SRP19: variants seen among roughly 807,000 people sequenced by gnomAD.
The protein encoded by SRP19 is signal recognition particle 19.
SRP19 carries 11 observed loss-of-function variants against 22.4 expected under a neutral mutation model. The ratio of observed to expected loss-of-function variants is 0.49; its 90% confidence interval spans 0.31 to 0.81. The LOEUF is 0.81. Among genes scored for constraint, SRP19 ranks in the 40% least tolerant of loss-of-function variants. SRP19 has a pLI of 0.05. For synonymous variants in SRP19, 61 were observed against 57.6 expected (o/e 1.06, Z -0.27); for missense variants, 168 against 175.9 (o/e 0.96, Z 0.25).
chr5:112,880,430 G>C (rs1486373007), intron 4 of SRP19, among the ~76,000 whole-genome samples: 6 of 151,980 alleles, frequency 3.9e-5, no homozygotes, highest in African/African-American at 1.5e-4. Context: ...AGCTGTTCTT[G>C]ATGGAGCCAG....
At chr5:112,897,351 TCACACACACACACACACACA>T (rs34612314), downstream of SRP19, 1 of 97,820 alleles carries the variant, frequency 1.0e-5, no homozygotes, top group East Asian at 2.4e-4. Context: ...ACACATCCCA[TCACACACACACACACACACA>T]CACACACACA....
At chr5:112,880,168 T>G (rs1362090255) in intron 4 of SRP19, among the ~76,000 whole-genome samples, 1 of 152,134 alleles carries the variant, frequency 6.6e-6, no homozygotes, top group Non-Finnish European at 1.5e-5. Context: ...CCCAGAGCTT[T>G]GAGAGGCTGA....
rs149233340 is a variant in SRP19, at chr5:112,882,097, A to G, written c.302-9506A>G. ...ACTACTCCTATTTTAATTATTGATG[A>G]TTTTAATATCCATGTAGACATATGT... On this transcript the variant is annotated intron_variant, in intron 4 of 4. Transcript: ENST00000391338. The G allele has an allele frequency of 4.5e-3, 694 of 153,980 alleles. 3 individuals carry two copies. The highest frequency in any genetic ancestry group is 0.015 in the Middle Eastern group (26 of 1,702). 9.5% of individuals were successfully genotyped at this position (153,980 alleles called of 1,614,324 possible).
In SRP19 at chr5:112,864,740, T is replaced by C; in HGVS notation, c.301+8T>C. ...TTGTACAGTTCCCATCACGTAAGCT[T>C]GTTTAAATGAATCAGTGGGGCTCAG... On this transcript the variant is annotated splice_region_variant and intron_variant, in intron 4 of 4. Transcript: ENST00000505459. 6.3e-7 allele frequency: 1 copy of C among 1,599,166 alleles called. No homozygotes were observed. The highest frequency in any genetic ancestry group is 8.5e-7 in the Non-Finnish European group (1 of 1,169,844).
exon 5 of SRP19, chr5:112,892,881 A>T (rs747377561): frequency 1.1e-5 from 17 of 1,612,536 alleles, no homozygotes; most frequent in Non-Finnish European, 1.1e-5. Context: ...AATCTCACAA[A>T]CGCACATCAA....
At position 112,867,781 on chromosome 5, in the gene SRP19, A is replaced by G. The variant is rs1554091569; in HGVS notation, c.*244A>G. 1 of 1,219,928 alleles carries G rather than the reference A, an allele frequency of 8.2e-7. No homozygotes were observed. The highest frequency in any genetic ancestry group is 1.0e-6 in the Non-Finnish European group (1 of 977,644). 75.6% of individuals were successfully genotyped at this position (1,219,928 alleles called of 1,614,324 possible). On this transcript the variant is annotated 3_prime_UTR_variant, in exon 5 of 5. Coordinates refer to ENST00000505459, the MANE Select transcript of SRP19 (RefSeq NM_003135.3). ...TCAATGCAGTTTTTTGGAAGAAAAT[A>G]TTTTTAAATGGACAATGGACTGTAC...
Position 112,878,781 on chromosome 5 carries a change from C to A in SRP19, c.302-12822C>A, listed in dbSNP as rs372080338. The A allele has an allele frequency of 2.5e-6, 4 of 1,613,986 alleles. No homozygotes were observed. In the African/African-American group the frequency reaches 5.3e-5, roughly 22 times the overall value. ...AGAGGGCAGGAAGTTTCCATCCAGT[C>A]TGGTTTAGGTGCTCTTCTTTTCTTC... is the stretch of plus-strand genomic sequence containing the variant. On this transcript the variant is annotated intron_variant, in intron 4 of 4. Transcript: ENST00000391338.
Position 112,891,772 on chromosome 5 carries a change from G to A in SRP19, c.*165G>A, listed in dbSNP as rs775939704. On this transcript the variant is annotated 3_prime_UTR_variant, in exon 5 of 5. Transcript: ENST00000391338. ...TCGGCAGGAACTTGCTCGACTGAGA[G>A]ACTCAGGACTCTCACAGGAGGAGGA... 1.7e-5 allele frequency: 27 copies of A among 1,613,710 alleles called. No homozygotes were observed. In the East Asian group the frequency reaches 5.3e-4, roughly 32 times the overall value.
At chr5:112,879,683 A>G (rs549761713) in intron 4 of SRP19, among the ~76,000 whole-genome samples, 22 of 151,978 alleles carry the variant, frequency 1.4e-4, no homozygotes, top group East Asian at 3.9e-4. Flanking sequence ...TCACTGTGTT[A>G]GCCAGGATGG....
At chr5:112,886,936 AG>A (rs1768265668) in intron 4 of SRP19, 2 of 1,073,478 alleles carry the variant, frequency 1.9e-6, no homozygotes, top group Non-Finnish European at 2.7e-6. Context: ...TAAGACAAGA[AG>A]GCCAGGAAGC....
chr5:112,892,355 A>C (rs1462172532), exon 5 of SRP19: 1 of 1,614,152 alleles, frequency 6.2e-7, no homozygotes, highest in South Asian at 1.1e-5. Flanking sequence ...GAAACCTACC[A>C]ACAGTTCCTA....
intron 4 of SRP19, among the ~76,000 whole-genome samples, chr5:112,890,297 C>CA (rs1349710141): frequency 7.0e-6 from 1 of 142,298 alleles, no homozygotes; most frequent in Admixed American, 7.0e-5. Flanking sequence ...CTCAAAAAGA[C>CA]AAAAAAAAGT....
downstream of SRP19, chr5:112,894,055 G>T (rs962683377): frequency 2.0e-5 from 3 of 152,006 alleles, no homozygotes; most frequent in Non-Finnish European, 4.4e-5. Flanking sequence ...AGCAGACCCT[G>T]CAAGACCACC....
At chr5:112,891,929 AG>A in exon 5 of SRP19, 1 of 1,274,292 alleles carries the variant, frequency 7.8e-7, no homozygotes, top group South Asian at 1.2e-5. Context: ...AAGAAGGAAA[AG>A]GAAGAGGCGG....
intron 4 of SRP19, among the ~76,000 whole-genome samples, chr5:112,887,687 T>C (rs1561648644): frequency 6.6e-6 from 1 of 152,218 alleles, no homozygotes; most frequent in African/African-American, 2.4e-5. Context: ...CAGTTTTGGG[T>C]AGATCTTAGC....
At position 112,875,786 on chromosome 5, in the gene SRP19, C is replaced by G. The variant is rs1472656879; in HGVS notation, c.301+11054C>G. 2.6e-5 allele frequency among the ~76,000 whole-genome samples: 4 copies of G among 151,270 alleles called. No individual in the cohort carries two copies. The East Asian group carries it at 7.7e-4, about 29-fold the overall frequency. ...TCAAAGCCAGGCGCGGTGGCTCATG[C>G]CTGTAATCCCAGCTCTTTGGGAGGC... On this transcript the variant is annotated intron_variant, in intron 4 of 4. Coordinates refer to the SRP19 transcript ENST00000391338.
At chr5:112,862,965 AGAC>A (rs1767463920) in intron 2 of SRP19, among the ~76,000 whole-genome samples, 2 of 152,210 alleles carry the variant, frequency 1.3e-5, no homozygotes, top group Admixed American at 1.3e-4. Flanking sequence ...TGTGTGAAGA[AGAC>A]ATGCAGAAAG....
At chr5:112,872,144 C>A (rs1230757366), downstream of SRP19, among the ~76,000 whole-genome samples, 1 of 152,038 alleles carries the variant, frequency 6.6e-6, no homozygotes, top group Non-Finnish European at 1.5e-5. Flanking sequence ...ATAATTTAAC[C>A]ACTATTCAGA....
chr5:112,893,382 C>T (rs1352674489), downstream of SRP19: 1 of 198,978 alleles, frequency 5.0e-6, no homozygotes, highest in African/African-American at 2.4e-5. Flanking sequence ...TTCACTCCAG[C>T]CTGGGTGACA....
Sources: gnomAD v4.1 joint callset for allele counts (sites outside exome capture counted in the v4.1 genomes callset) on GRCh38, gnomAD v4.1.1 for gene constraint, MANE v1.5 for transcripts, NCBI Gene and HGNC (gene_info 2026-07-23, HGNC 2026-07-21) for gene names.